Variants in CDH22 observed in about 807,000 individuals in gnomAD.
CDH22 encodes cadherin 22.
A neutral mutation model predicts 58.4 loss-of-function variants in CDH22; 30 were observed. That is an observed-to-expected ratio of 0.51 (90% CI 0.38 to 0.70). The LOEUF (loss-of-function observed/expected upper bound fraction) is 0.70, where lower values mean the gene tolerates loss of function less well. Ranked by LOEUF, CDH22 falls within the 30% of genes least tolerant of loss-of-function variation. The pLI is 0.00. For synonymous variants in CDH22, 513 were observed against 558.2 expected, an observed-to-expected ratio of 0.92 and a Z score of 1.14; for missense variants, 1,014 against 1,233.9, an observed-to-expected ratio of 0.82 and a Z score of 2.67.
At chr20:46,193,813 C>T (rs1427493389) in intron 8 of CDH22, among the ~76,000 whole-genome samples, 1 of 152,104 alleles carries the variant, frequency 6.6e-6, no homozygotes, top group African/African-American at 2.4e-5. Context: ...CACCTGAATC[C>T]CCTTTCTGCC....
At chr20:46,295,290 C>T (rs565117561) in intron 1 of CDH22, among the ~76,000 whole-genome samples, 2 of 152,300 alleles carry the variant, frequency 1.3e-5, no homozygotes, top group East Asian at 3.9e-4. Flanking sequence ...CAGAAAGAGG[C>T]CAACTTGACA....
intron 1 of CDH22, among the ~76,000 whole-genome samples, chr20:46,271,670 C>T (rs1003512937): frequency 1.3e-5 from 2 of 152,092 alleles, no homozygotes; most frequent in South Asian, 4.2e-4. Context: ...CTCTATTTTA[C>T]TTGGCTCTCA....
At chr20:46,294,819 G>C (rs2086621349) in intron 1 of CDH22, among the ~76,000 whole-genome samples, 1 of 152,206 alleles carries the variant, frequency 6.6e-6, no homozygotes, top group African/African-American at 2.4e-5. Flanking sequence ...TGGGATTCCT[G>C]GCATTGGCTG....
chr20:46,279,302 A>G (rs2086537162), intron 1 of CDH22, among the ~76,000 whole-genome samples: 1 of 152,216 alleles, frequency 6.6e-6, no homozygotes. Flanking sequence ...TGAGAGAAAT[A>G]TCAGCATGTG....
At chr20:46,204,338 G>A (rs2085982584) in intron 7 of CDH22, among the ~76,000 whole-genome samples, 1 of 146,664 alleles carries the variant, frequency 6.8e-6, no homozygotes, top group African/African-American at 2.5e-5. Flanking sequence ...AGATTGCAGT[G>A]AGCCAAGATC....
intron 3 of CDH22, among the ~76,000 whole-genome samples, chr20:46,233,272 TC>T (rs1285700355): frequency 6.6e-6 from 1 of 152,126 alleles, no homozygotes; most frequent in Non-Finnish European, 1.5e-5. Context: ...TCCTTATGGA[TC>T]CCGGCCATGG....
chr20:46,193,306 GCTCA>G (rs995601958), intron 8 of CDH22, among the ~76,000 whole-genome samples: 1 of 152,124 alleles, frequency 6.6e-6, no homozygotes, highest in African/African-American at 2.4e-5. Flanking sequence ...GTGACAGGGA[GCTCA>G]CTGTCTCTTG....
intron 1 of CDH22, among the ~76,000 whole-genome samples, chr20:46,279,957 T>G (rs2086541391): frequency 6.6e-6 from 1 of 152,114 alleles, no homozygotes; most frequent in Non-Finnish European, 1.5e-5. Context: ...AACAAGACTT[T>G]GAGGGATGGA....
At position 46,251,160 on chromosome 20, in the gene CDH22, C is replaced by G; in HGVS notation, c.135G>C (p.Ser45=). Residue 45 remains serine, a synonymous_variant, in exon 2 of 12, where the codon TCG becomes TCC. Transcript: ENST00000537909. This position sits in a 1 kb window ranked among gnomAD's most constrained non-coding sequence, Gnocchi z 6.7. ...RLWAAGTPSP[S]APGARQDGAL... is the part of the protein sequence containing the mutation. The stretch of plus-strand genomic sequence containing the variant: ...CGCCGTCCTGCCGAGCTCCGGGCGC[C>G]GACGGCGAGGGTGTGCCCGCTGCCC... 6.3e-7 allele frequency: 1 copy of G among 1,588,574 alleles called. No individual in the cohort carries two copies. The highest frequency in any genetic ancestry group is 8.6e-7 in the Non-Finnish European group (1 of 1,168,824).
At chr20:46,303,187 C>T (rs556603088) in intron 1 of CDH22, among the ~76,000 whole-genome samples, 2 of 152,372 alleles carry the variant, frequency 1.3e-5, no homozygotes, top group Admixed American at 6.5e-5. Context: ...GAACCCCAAC[C>T]TCTGTGTGTT....
intron 7 of CDH22, among the ~76,000 whole-genome samples, chr20:46,209,080 T>G (rs1352815072): frequency 1.3e-5 from 2 of 152,008 alleles, no homozygotes; most frequent in Non-Finnish European, 2.9e-5. Context: ...CAGATGGTGA[T>G]GAAAGGTAAT....
intron 8 of CDH22, among the ~76,000 whole-genome samples, chr20:46,192,333 T>C (rs1281933736): frequency 6.6e-6 from 1 of 152,034 alleles, no homozygotes; most frequent in Non-Finnish European, 1.5e-5. Flanking sequence ...ACTGAGACCT[T>C]CTTGGATGAA....
At chr20:46,197,375 T>C (rs1467597058) in intron 8 of CDH22, among the ~76,000 whole-genome samples, 3 of 151,970 alleles carry the variant, frequency 2.0e-5, no homozygotes, top group Non-Finnish European at 2.9e-5. Flanking sequence ...CCCGATTCTG[T>C]CTCCTATGAA....
chr20:46,197,873 G>A (rs1015996227), intron 8 of CDH22, among the ~76,000 whole-genome samples: 1 of 152,058 alleles, frequency 6.6e-6, no homozygotes, highest in Admixed American at 6.5e-5. Context: ...CCTGGGAAAT[G>A]GGGGGATGGC....
In CDH22 at chr20:46,178,200, G is replaced by C; in HGVS notation, c.1664-3C>G. On this transcript the variant is annotated splice_polypyrimidine_tract_variant and splice_region_variant and intron_variant, in intron 10 of 11. Transcript: ENST00000537909. ...CGTGTGCACTGCAGCGGTGTTGTCT[G>C]TTCCGGAAGAAGGGGGAGCGGTGTG... 1 of 1,607,864 alleles carries C rather than the reference G, an allele frequency of 6.2e-7. No homozygotes were observed. The highest frequency in any genetic ancestry group is 8.5e-7 in the Non-Finnish European group (1 of 1,175,104).
intron 7 of CDH22, among the ~76,000 whole-genome samples, chr20:46,200,119 G>A (rs894077647): frequency 3.3e-5 from 5 of 151,964 alleles, no homozygotes; most frequent in African/African-American, 9.7e-5. Flanking sequence ...GACTACAGGT[G>A]CCCGCCACCA....
chr20:46,278,205 T>G (rs1027805584), intron 1 of CDH22, among the ~76,000 whole-genome samples: 1 of 152,146 alleles, frequency 6.6e-6, no homozygotes, highest in Non-Finnish European at 1.5e-5. Flanking sequence ...GTTCTACACT[T>G]CTGGGGGCAG....
Position 46,210,198 on chromosome 20 carries a change from T to C in CDH22, c.1286+109A>G, listed in dbSNP as rs1305981350. On this transcript the variant is annotated intron_variant, in intron 7 of 11. Coordinates refer to ENST00000537909, the MANE Select transcript of CDH22 (RefSeq NM_021248.3). The surrounding 1 kb of genome is among the most constrained non-coding windows in gnomAD (Gnocchi z 4.5). ...CGCCTCCCTCCCCCACGCAGCCCCT[T>C]CCTTCGGCCCTGCCCGCCCCAGCCC... The C allele has an allele frequency of 4.5e-5, 53 of 1,172,256 alleles. No individual in the cohort carries two copies. The highest frequency in any genetic ancestry group is 5.2e-5 in the Non-Finnish European group (47 of 904,694). 72.6% of individuals were successfully genotyped at this position (1,172,256 alleles called of 1,614,324 possible).
intron 1 of CDH22, among the ~76,000 whole-genome samples, chr20:46,259,197 T>G (rs145004059): frequency 6.6e-6 from 1 of 152,294 alleles, no homozygotes; most frequent in African/African-American, 2.4e-5. Flanking sequence ...AAAGACATAA[T>G]TCTCCCAAAG....
Sources: gnomAD v4.1 joint callset for allele counts (sites outside exome capture counted in the v4.1 genomes callset) on GRCh38, gnomAD v4.1.1 for gene constraint, Gnocchi (gnomAD v3.1) non-coding constraint, MANE v1.5 for transcripts, NCBI Gene and HGNC (gene_info 2026-07-23, HGNC 2026-07-21) for gene names.